The following HMGCS2 variants were observed in gnomAD, a reference collection of about 807,000 sequenced individuals.
The protein encoded by HMGCS2 is hydroxymethylglutaryl-CoA synthase, mitochondrial.
Under a neutral mutation model 57.4 loss-of-function variants are expected in HMGCS2, and 50 were observed. That is an observed-to-expected ratio of 0.87 (90% CI 0.69 to 1.10). The LOEUF is 1.10. Among genes scored for constraint, HMGCS2 ranks in the 50% least tolerant of loss-of-function variants. The pLI is 0.00. For synonymous variants in HMGCS2, 254 were observed against 245.1 expected (o/e 1.04, Z -0.34); for missense variants, 627 against 636.5 (o/e 0.99, Z 0.16).
At chr1:119,756,857 C>T (rs1482131538) in intron 5 of HMGCS2, among the ~76,000 whole-genome samples, 1 of 152,150 alleles carries the variant, frequency 6.6e-6, no homozygotes, top group Non-Finnish European at 1.5e-5. Flanking sequence ...CTGTGAGATG[C>T]TCTAGGGCAG....
intron 5 of HMGCS2, among the ~76,000 whole-genome samples, chr1:119,756,787 T>C (rs1652854240): frequency 6.6e-6 from 1 of 152,190 alleles, no homozygotes; most frequent in Non-Finnish European, 1.5e-5. Context: ...GACCTGACAC[T>C]TCTCAAATTG....
chr1:119,750,859 C>G lies in HMGCS2; in HGVS notation c.1470G>C (p.Trp490Cys). The G allele has an allele frequency of 6.2e-7, 1 of 1,613,996 alleles. No homozygotes were observed. The highest frequency in any genetic ancestry group is 1.1e-5 in the South Asian group (1 of 91,052). ...GCTGCTCGTCCACTCGCTCCAGGTA[C>G]CAAGTACCTGGGAAAAGGCTGTTTG... The part of the protein sequence containing the change: ...GDTNSLFPGT[W>C]YLERVDEQHR... Residue 490 changes from tryptophan to cysteine, a missense_variant, in exon 9 of 10, where the codon TGG becomes TGC. Transcript: ENST00000369406.
At chr1:119,759,398 G>T in intron 3 of HMGCS2, 116 bp from the exon 4 acceptor site, 1 of 999,328 alleles carries the variant, frequency 1.0e-6, no homozygotes, top group Non-Finnish European at 1.5e-6. Flanking sequence ...CCATGCCCAA[G>T]TTCAAGCCCA....
chr1:119,750,857 T>G lies in HMGCS2; in HGVS notation c.1472A>C (p.Tyr491Ser). ...DTNSLFPGTWYLERVDEQHRR... is the reference protein window; with the variant it reads ...DTNSLFPGTWSLERVDEQHRR... ...ATGCTGCTCGTCCACTCGCTCCAGG[T>G]ACCAAGTACCTGGGAAAAGGCTGTT... is the stretch of plus-strand genomic sequence containing the variant. Residue 491 changes from tyrosine (Y) to serine (S), a missense_variant, in exon 9 of 10, where the codon TAC (tyrosine) becomes TCC (serine). Coordinates refer to ENST00000369406, the MANE Select transcript of HMGCS2 (RefSeq NM_005518.4). The G allele has an allele frequency of 6.2e-7, 1 of 1,613,996 alleles. No individual in the cohort carries two copies. Among genetic ancestry groups the G allele is most frequent in the Non-Finnish European group, 8.5e-7 (1 of 1,179,956 alleles).
chr1:119,759,967 A>G lies in HMGCS2; in HGVS notation c.582T>C (p.Cys194=), dbSNP rs1652984669. 2 of 1,613,980 alleles carry G rather than the reference A, an allele frequency of 1.2e-6. No individual in the cohort carries two copies. The highest frequency in any genetic ancestry group is 1.7e-6 in the Non-Finnish European group (2 of 1,179,934). ...SWDGRYAMVV[C]GDIAVYPSGN... The stretch of plus-strand genomic sequence containing the variant: ...CACTGGGATAGACGGCAATGTCTCC[A>G]CAGACCACCATGGCATAACGACCTG... The change falls in exon 3 of 10, where the codon TGT becomes TGC. Residue 194 remains cysteine (C), a synonymous_variant. Transcript: ENST00000369406.
At chr1:119,756,038 G>T (rs1258471011) in intron 5 of HMGCS2, among the ~76,000 whole-genome samples, 1 of 152,112 alleles carries the variant, frequency 6.6e-6, no homozygotes, top group Non-Finnish European at 1.5e-5. Flanking sequence ...ACAGCGAATA[G>T]GTAGGTGTTC....
At position 119,748,389 on chromosome 1, in the gene HMGCS2, C is replaced by T. The variant is rs1652528320; in HGVS notation, c.*458G>A. ...GAAACGCAGGAATCATTTCCTCTTT[C>T]TCTCTTTTTAATTGCTATATATTAG... is the stretch of plus-strand genomic sequence containing the variant. On this transcript the variant is annotated 3_prime_UTR_variant, in exon 10 of 10. Transcript: ENST00000369406. The T allele has an allele frequency of 1.3e-5, 2 of 152,188 alleles. No homozygotes were observed. Among genetic ancestry groups the T allele is most frequent in the South Asian group, 2.1e-4 (1 of 4,824 alleles). 9.4% of individuals were successfully genotyped at this position (152,188 alleles called of 1,614,324 possible).
intron 1 of HMGCS2, 131 bp from the exon 2 acceptor site, chr1:119,764,757 GTATTGT>G: frequency 2.7e-6 from 2 of 730,726 alleles, no homozygotes; most frequent in Non-Finnish European, 4.8e-6. Flanking sequence ...TACAAATTTA[GTATTGT>G]TATTATCTTT....
chr1:119,766,859 C>G lies in HMGCS2; in HGVS notation c.104+1882G>C, dbSNP rs587708532. 2.6e-5 allele frequency among the ~76,000 whole-genome samples: 4 copies of G among 152,226 alleles called. No individual in the cohort carries two copies. In the South Asian group the frequency reaches 8.4e-4, roughly 32 times the overall value. ...CTATTTCTAGAAATGGATTATAAAG[C>G]CTTGAAGAAAATTAACACGGAGAGG... On this transcript the variant is annotated intron_variant, in intron 1 of 9. Transcript: ENST00000369406.
intron 4 of HMGCS2, among the ~76,000 whole-genome samples, chr1:119,758,313 T>C (rs767368756): frequency 2.8e-4 from 43 of 152,254 alleles, no homozygotes; most frequent in Non-Finnish European, 2.2e-4. Context: ...CATAGCTTAC[T>C]GCATGGGCTC....
Position 119,761,908 on chromosome 1 carries a change from G to A in HMGCS2, c.560-1919C>T, listed in dbSNP as rs139224742. 6.8e-3 allele frequency among the ~76,000 whole-genome samples: 1,028 copies of A among 152,252 alleles called. 15 individuals carry two copies. The highest frequency in any genetic ancestry group is 0.024 in the African/African-American group (993 of 41,542). On this transcript the variant is annotated intron_variant, in intron 2 of 9. Coordinates refer to ENST00000369406, the MANE Select transcript of HMGCS2 (RefSeq NM_005518.4). ...TAATTTTACTTGTTAAATTGACAAA[G>A]ATTAGAAAGTTTGATAATATATACA...
At position 119,751,517 on chromosome 1, in the gene HMGCS2, C is replaced by T. The variant is rs587706880; in HGVS notation, c.1421-609G>A. 1.3e-4 allele frequency among the ~76,000 whole-genome samples: 20 copies of T among 151,702 alleles called. No homozygotes were observed. The South Asian group carries it at 4.2e-3, about 32-fold the overall frequency. Reference sequence around the variant, plus strand: ...AGCTGAGATTAGAGGTGTGTGCCACCACACTCGGCTAATTTTTACATAATT... The same window carrying T: ...AGCTGAGATTAGAGGTGTGTGCCACTACACTCGGCTAATTTTTACATAATT... On this transcript the variant is annotated intron_variant, in intron 8 of 9. Transcript: ENST00000369406.
chr1:119,768,259 A>C (rs1653305847), intron 1 of HMGCS2, among the ~76,000 whole-genome samples: 1 of 152,202 alleles, frequency 6.6e-6, no homozygotes, highest in Non-Finnish European at 1.5e-5. Context: ...ATACACACAT[A>C]AACACACATT....
At chr1:119,766,372 G>A (rs901136939) in intron 1 of HMGCS2, among the ~76,000 whole-genome samples, 37 of 152,078 alleles carry the variant, frequency 2.4e-4, no homozygotes, top group African/African-American at 8.2e-4. Flanking sequence ...TCCATTCTAC[G>A]GGAGCTGGAA....
intron 6 of HMGCS2, among the ~76,000 whole-genome samples, chr1:119,754,821 G>A (rs1557989502): frequency 1.3e-5 from 2 of 152,094 alleles, no homozygotes; most frequent in Non-Finnish European, 2.9e-5. Context: ...AAATAAATGA[G>A]ACAAAAATAT....
At chr1:119,757,201 C>T (rs587753284) in intron 5 of HMGCS2, 72 bp downstream of exon 5, 3 of 1,611,464 alleles carry the variant, frequency 1.9e-6, no homozygotes, top group African/African-American at 1.3e-5. Flanking sequence ...GTGGTCTAGA[C>T]TTAAGGCATG....
chr1:119,749,624 G>A (rs1251385290), intron 9 of HMGCS2, among the ~76,000 whole-genome samples: 4 of 152,094 alleles, frequency 2.6e-5, no homozygotes, highest in Admixed American at 6.5e-5. Flanking sequence ...CAACATCTGG[G>A]CTGCAACAGC....
intron 7 of HMGCS2, 142 bp from the exon 8 acceptor site, chr1:119,752,816 A>G (rs1281019768): frequency 4.4e-6 from 4 of 918,650 alleles, no homozygotes; most frequent in Non-Finnish European, 7.1e-6. Context: ...AATACCAAGA[A>G]ATGATAAGCA....
intron 9 of HMGCS2, among the ~76,000 whole-genome samples, chr1:119,749,479 C>T (rs1652577185): frequency 6.6e-6 from 1 of 151,422 alleles, no homozygotes; most frequent in Non-Finnish European, 1.5e-5. Flanking sequence ...TACTGACCTG[C>T]CCTTAAGAAC....
Sources: allele counts gnomAD v4.1 joint callset (sites outside exome capture counted in the v4.1 genomes callset), GRCh38; gene constraint gnomAD v4.1.1; transcripts MANE v1.5; gene names NCBI Gene and HGNC (gene_info 2026-07-23, HGNC 2026-07-21).